NRG1: variants seen among roughly 807,000 people sequenced by gnomAD.
NRG1 encodes pro-neuregulin-1, membrane-bound isoform.
A neutral mutation model predicts 63.8 loss-of-function variants in NRG1; 18 were observed. The observed-to-expected ratio is 0.28, with a 90% CI of 0.19 to 0.42. The LOEUF (loss-of-function observed/expected upper bound fraction) is 0.42, where lower values mean the gene tolerates loss of function less well. Ranked by LOEUF, NRG1 falls within the 10% of genes least tolerant of loss-of-function variation. NRG1 has a pLI of 1.00. For synonymous variants in NRG1, 302 were observed against 301.3 expected, an observed-to-expected ratio of 1.00 and a Z score of -0.02; for missense variants, 762 against 814.7, an observed-to-expected ratio of 0.94 and a Z score of 0.79.
intron 5 of NRG1, among the ~76,000 whole-genome samples, chr8:32,714,957 A>G (rs543369722): frequency 6.6e-5 from 10 of 152,278 alleles, no homozygotes; most frequent in Admixed American, 5.9e-4. Flanking sequence ...TCAAAGCAGC[A>G]TGAAGGGCCA....
chr8:32,181,779 T>A (rs1841451877), intron 1 of NRG1, among the ~76,000 whole-genome samples: 5 of 152,184 alleles, frequency 3.3e-5, no homozygotes, highest in Admixed American at 3.3e-4. Flanking sequence ...AATTGCATTG[T>A]TAGATAAAAA....
chr8:32,579,883 G>T (rs993312229), intron 1 of NRG1, among the ~76,000 whole-genome samples: 4 of 152,206 alleles, frequency 2.6e-5, no homozygotes, highest in Non-Finnish European at 4.4e-5. Flanking sequence ...GGCTCTAGGA[G>T]AGAAATCATT....
intron 1 of NRG1, among the ~76,000 whole-genome samples, chr8:32,249,637 C>T (rs1004401512): frequency 4.6e-5 from 7 of 152,216 alleles, no homozygotes; most frequent in African/African-American, 1.7e-4. Context: ...TAAAACCTTG[C>T]CTTGCTACCA....
chr8:32,270,871 GT>G (rs1392812942), intron 1 of NRG1, among the ~76,000 whole-genome samples: 3 of 152,018 alleles, frequency 2.0e-5, no homozygotes, highest in Admixed American at 2.0e-4. Context: ...TTGTAATCCA[GT>G]TGTTAAATAT....
chr8:32,020,859 T>C (rs1190329520), intron 1 of NRG1, among the ~76,000 whole-genome samples: 1 of 152,178 alleles, frequency 6.6e-6, no homozygotes. Context: ...GGATTTACCA[T>C]GTATTGCTTT....
intron 1 of NRG1, among the ~76,000 whole-genome samples, chr8:32,086,451 A>G (rs752148611): frequency 6.6e-6 from 1 of 151,560 alleles, no homozygotes; most frequent in Non-Finnish European, 1.5e-5. Context: ...CAACTTGCCT[A>G]AGCTCTGGGA....
intron 1 of NRG1, among the ~76,000 whole-genome samples, chr8:32,239,155 AT>A (rs918515153): frequency 2.1e-4 from 32 of 151,684 alleles, no homozygotes; most frequent in East Asian, 5.8e-4. Flanking sequence ...AGCTTAATTT[AT>A]TTTTTTTTAA....
At chr8:32,622,659 C>T (rs1042096354) in intron 5 of NRG1, among the ~76,000 whole-genome samples, 5 of 152,100 alleles carry the variant, frequency 3.3e-5, no homozygotes, top group Admixed American at 1.3e-4. Context: ...CCTACCAAAG[C>T]GTTGGAATTG....
intron 1 of NRG1, among the ~76,000 whole-genome samples, chr8:31,701,860 G>A (rs7817624): frequency 0.96 from 146,639 of 152,282 alleles, 70,816 homozygotes; most frequent in East Asian, 1. Flanking sequence ...ATCTTGTAAA[G>A]TGCAGATTCT....
intron 1 of NRG1, among the ~76,000 whole-genome samples, chr8:32,218,315 TA>T (rs1845459744): frequency 6.6e-6 from 1 of 152,232 alleles, no homozygotes. Context: ...CATCAAGCTG[TA>T]ACCAACCCAA....
At chr8:32,286,921 C>T (rs530041240) in intron 1 of NRG1, among the ~76,000 whole-genome samples, 58 of 152,126 alleles carry the variant, frequency 3.8e-4, no homozygotes, top group Non-Finnish European at 7.1e-4. Flanking sequence ...TACTTGAACC[C>T]GGGAGGCAGA....
At chr8:31,749,398 C>T (rs1816218469) in intron 1 of NRG1, among the ~76,000 whole-genome samples, 1 of 151,750 alleles carries the variant, frequency 6.6e-6, no homozygotes, top group Non-Finnish European at 1.5e-5. Context: ...AAAAATGATA[C>T]TTGCCAATCC....
chr8:31,914,440 G>A (rs565746266), intron 1 of NRG1, among the ~76,000 whole-genome samples: 111 of 150,060 alleles, frequency 7.4e-4, no homozygotes, highest in Middle Eastern at 6.9e-3. Flanking sequence ...ACTGCTGCCT[G>A]AGTGTCAACA....
At chr8:32,370,035 A>T (rs997282099) in intron 1 of NRG1, among the ~76,000 whole-genome samples, 7 of 152,038 alleles carry the variant, frequency 4.6e-5, no homozygotes, top group African/African-American at 7.2e-5. Flanking sequence ...CAGAGAAAAG[A>T]AAAAAAAGGG....
At chr8:31,792,489 C>A (rs1820811289) in intron 1 of NRG1, among the ~76,000 whole-genome samples, 1 of 152,112 alleles carries the variant, frequency 6.6e-6, no homozygotes, top group Admixed American at 6.6e-5. Flanking sequence ...CATGACACAA[C>A]CATTATTGGT....
chr8:32,333,093 A>G (rs1802842163), intron 1 of NRG1, among the ~76,000 whole-genome samples: 1 of 152,196 alleles, frequency 6.6e-6, no homozygotes, highest in South Asian at 2.1e-4. Flanking sequence ...GATGGACATC[A>G]TCTGCTCTCA....
chr8:32,017,439 A>G (rs909939509), intron 1 of NRG1, among the ~76,000 whole-genome samples: 5 of 150,234 alleles, frequency 3.3e-5, no homozygotes, highest in African/African-American at 5.1e-5. Context: ...TGCAGCAGAC[A>G]CCAGCTGGGT....
chr8:32,431,092 G>A (rs535830112), intron 1 of NRG1, among the ~76,000 whole-genome samples: 73 of 152,248 alleles, frequency 4.8e-4, no homozygotes, highest in African/African-American at 1.8e-3. Flanking sequence ...GAGAATGAAT[G>A]TGAGGCTCAG....
At chr8:31,724,813 T>C (rs374467748) in intron 1 of NRG1, among the ~76,000 whole-genome samples, 1 of 152,138 alleles carries the variant, frequency 6.6e-6, no homozygotes, top group Non-Finnish European at 1.5e-5. Flanking sequence ...CTGAATGAGA[T>C]GCATACAAAA....
Sources: gnomAD v4.1 joint callset for allele counts (sites outside exome capture counted in the v4.1 genomes callset) on GRCh38, gnomAD v4.1.1 for gene constraint, MANE v1.5 for transcripts, NCBI Gene and HGNC (gene_info 2026-07-23, HGNC 2026-07-21) for gene names.